Variants in SPATA9 observed in about 807,000 individuals in gnomAD.
The protein encoded by SPATA9 is spermatogenesis associated 9.
SPATA9 carries 27 observed loss-of-function variants against 25.5 expected under a neutral mutation model. That is an observed-to-expected ratio of 1.06 (90% CI 0.78 to 1.46). The LOEUF (loss-of-function observed/expected upper bound fraction) is 1.46, where lower values mean the gene tolerates loss of function less well. Among genes scored for constraint, SPATA9 ranks in the 40% most tolerant of loss-of-function variants. The probability of loss-of-function intolerance (pLI) is 0.00; values close to 1 mark genes in which losing one functional copy is unlikely to be tolerated. For missense variants in SPATA9, 282 were observed against 297.5 expected (o/e 0.95, Z 0.38); for synonymous variants, 102 against 105.7 (o/e 0.97, Z 0.21).
downstream of SPATA9, chr5:95,658,216 T>G (rs1750895891): frequency 6.5e-6 from 1 of 153,510 alleles, no homozygotes. Context: ...AACTCTCCAG[T>G]CTGCATATAA....
At chr5:95,681,838 G>C (rs1181096351) in intron 2 of SPATA9, among the ~76,000 whole-genome samples, 1 of 152,208 alleles carries the variant, frequency 6.6e-6, no homozygotes, top group African/African-American at 2.4e-5. Flanking sequence ...TTCTGGATAA[G>C]TGGATTGTTC....
chr5:95,691,764 G>A (rs769557291), intron 1 of SPATA9, among the ~76,000 whole-genome samples: 14 of 152,128 alleles, frequency 9.2e-5, no homozygotes, highest in Non-Finnish European at 1.8e-4. Flanking sequence ...GATCACCTAT[G>A]TTGTTCCTGT....
chr5:95,684,619 G>A (rs1753688885), upstream of SPATA9: 3 of 152,206 alleles, frequency 2.0e-5, no homozygotes, highest in South Asian at 6.2e-4. Flanking sequence ...AAGTAGAGTG[G>A]TGAAAAATGA....
chr5:95,700,669 T>G (rs992907143), upstream of SPATA9, among the ~76,000 whole-genome samples: 1 of 152,132 alleles, frequency 6.6e-6, no homozygotes, highest in South Asian at 2.1e-4. Context: ...CTCAGCGATC[T>G]GCCCACCTCG....
intron 2 of SPATA9, among the ~76,000 whole-genome samples, chr5:95,677,245 G>T (rs1458700559): frequency 1.3e-5 from 2 of 152,136 alleles, no homozygotes; most frequent in African/African-American, 4.8e-5. Flanking sequence ...AGTATAAATT[G>T]TAAGTGTTTT....
downstream of SPATA9, chr5:95,652,231 G>A: frequency 6.5e-7 from 1 of 1,541,164 alleles, no homozygotes; most frequent in East Asian, 2.5e-5. Flanking sequence ...ACACTCTACT[G>A]ATCTTGCCTC....
the SPATA9 span, chr5:95,717,452 A>G: frequency 6.6e-6 from 1 of 152,202 alleles, no homozygotes; most frequent in African/African-American, 2.4e-5. Context: ...TACATTATAT[A>G]CATGTATGTA....
chr5:95,678,805 C>T (rs1054899106), intron 2 of SPATA9, among the ~76,000 whole-genome samples: 1 of 152,100 alleles, frequency 6.6e-6, no homozygotes, highest in Non-Finnish European at 1.5e-5. Context: ...TAATGTTTTC[C>T]ACATAATTTA....
At chr5:95,731,536 T>G in the SPATA9 span, 1 of 1,385,326 alleles carries the variant, frequency 7.2e-7, no homozygotes, top group Non-Finnish European at 9.3e-7. Flanking sequence ...GGCCCCGCTC[T>G]GCGTCGGCCC....
At chr5:95,656,881 C>T (rs2112530286), downstream of SPATA9, 1 of 152,144 alleles carries the variant, frequency 6.6e-6, no homozygotes, top group Middle Eastern at 3.2e-3. Context: ...GAAATGTTCA[C>T]CTCTGAACTG....
At chr5:95,675,279 C>T (rs1241187162) in intron 3 of SPATA9, 133 bp downstream of exon 3, 1 of 719,126 alleles carries the variant, frequency 1.4e-6, no homozygotes, top group Non-Finnish European at 2.2e-6. Context: ...AAAGCCCCAA[C>T]CATTCATTTC....
the SPATA9 span, among the ~76,000 whole-genome samples, chr5:95,704,376 C>T: frequency 6.6e-6 from 1 of 152,128 alleles, no homozygotes; most frequent in Non-Finnish European, 1.5e-5. Flanking sequence ...ACTGTAGCAG[C>T]TGCTAGTCTA....
downstream of SPATA9, chr5:95,654,245 T>C (rs1192796945): frequency 1.2e-6 from 2 of 1,610,968 alleles, no homozygotes; most frequent in Admixed American, 3.4e-5. Flanking sequence ...CCGTAAGATT[T>C]TATTTTTCAT....
At chr5:95,657,769 A>G (rs1750850092), downstream of SPATA9, 1 of 152,130 alleles carries the variant, frequency 6.6e-6, no homozygotes, top group African/African-American at 2.4e-5. Context: ...TTTTATAGAT[A>G]CTGTTTGTGG....
downstream of SPATA9, chr5:95,655,426 C>G (rs1430384298): frequency 1.3e-5 from 2 of 152,134 alleles, no homozygotes; most frequent in Non-Finnish European, 2.9e-5. Context: ...GTCCATAGAC[C>G]AGCAACTTTG....
At chr5:95,704,054 T>TACAC in the SPATA9 span, among the ~76,000 whole-genome samples, 1 of 150,584 alleles carries the variant, frequency 6.6e-6, no homozygotes, top group Admixed American at 6.6e-5. Flanking sequence ...TCACAGTGCA[T>TACAC]ATACACACAT....
chr5:95,727,581 GT>G, the SPATA9 span, among the ~76,000 whole-genome samples: 20 of 152,316 alleles, frequency 1.3e-4, no homozygotes, highest in Admixed American at 3.9e-4. Context: ...CTTCCTGTGT[GT>G]TCCCCAGTGA....
upstream of SPATA9, among the ~76,000 whole-genome samples, chr5:95,683,933 T>G (rs755241497): frequency 9.2e-5 from 14 of 152,162 alleles, no homozygotes; most frequent in Non-Finnish European, 2.1e-4. Flanking sequence ...CTAGACCACT[T>G]TCTTCAGCAA....
intron 4 of SPATA9, among the ~76,000 whole-genome samples, chr5:95,661,794 A>G (rs1270709365): frequency 1.3e-5 from 2 of 152,052 alleles, no homozygotes; most frequent in Admixed American, 1.3e-4. Context: ...GCACTTCCCT[A>G]TATATTTTAG....
Sources: allele counts gnomAD v4.1 joint callset (sites outside exome capture counted in the v4.1 genomes callset), GRCh38; gene constraint gnomAD v4.1.1; transcripts MANE v1.5; gene names NCBI Gene and HGNC (gene_info 2026-07-23, HGNC 2026-07-21).